The following IQGAP1 variants were observed in gnomAD, a reference collection of about 807,000 sequenced individuals.
The protein encoded by IQGAP1 is IQ motif containing GTPase activating protein 1, also known as ras GTPase-activating-like protein IQGAP1.
IQGAP1 carries 66 observed loss-of-function variants against 215.6 expected under a neutral mutation model. The ratio of observed to expected loss-of-function variants is 0.31; its 90% CI spans 0.25 to 0.38. IQGAP1 has a LOEUF of 0.38. IQGAP1 is among the 10% of genes least tolerant of loss of function. The probability of loss-of-function intolerance (pLI) is 1.00; values close to 1 mark genes in which losing one functional copy is unlikely to be tolerated. For synonymous variants in IQGAP1, 772 were observed against 728.7 expected (o/e 1.06, Z -0.96); for missense variants, 1,712 against 1,997.1 (o/e 0.86, Z 2.72).
Position 90,495,243 on chromosome 15 carries a change from C to T in IQGAP1, c.4751+408C>T, listed in dbSNP as rs1351058265. Among the ~76,000 whole-genome samples the T allele has an allele frequency of 6.6e-5, 10 of 152,130 alleles. 1 individual carries two copies. The highest frequency in any genetic ancestry group is 2.0e-4 in the Admixed American group (3 of 15,276). On this transcript the variant is annotated intron_variant, in intron 36 of 37. Coordinates refer to ENST00000268182, the MANE Select transcript of IQGAP1 (RefSeq NM_003870.4). ...CTGGGAAGTATCAGCTTGCTTTGCA[C>T]GTGGTTCATGGACCTGACATGTCAT...
Position 90,463,255 on chromosome 15 carries a change from G to A in IQGAP1, c.1777-2746G>A, listed in dbSNP as rs536979377. On this transcript the variant is annotated intron_variant, in intron 15 of 37. Coordinates refer to ENST00000268182, the MANE Select transcript of IQGAP1 (RefSeq NM_003870.4). The stretch of plus-strand genomic sequence containing the variant: ...TAATCTGCATGGGGCAGGGAAGAAA[G>A]AATTCTGAATGCTTAGAAAGGTTCT... Among the ~76,000 whole-genome samples, 4 of 152,308 alleles carry A rather than the reference G, an allele frequency of 2.6e-5. No homozygotes were observed. In the East Asian group the frequency reaches 7.7e-4, roughly 29 times the overall value.
At chr15:90,497,622 C>T (rs1047427308) in intron 37 of IQGAP1, among the ~76,000 whole-genome samples, 13 of 152,198 alleles carry the variant, frequency 8.5e-5, no homozygotes, top group Admixed American at 7.2e-4. Context: ...GAACAAAATG[C>T]AGAAGTACAC....
At chr15:90,432,843 T>C (rs1965320948) in intron 4 of IQGAP1, among the ~76,000 whole-genome samples, 1 of 152,182 alleles carries the variant, frequency 6.6e-6, no homozygotes, top group Admixed American at 6.5e-5. Context: ...CACCCCTTAT[T>C]TCCCTAAATT....
intron 2 of IQGAP1, among the ~76,000 whole-genome samples, chr15:90,408,329 T>C (rs1482857173): frequency 6.6e-6 from 1 of 152,182 alleles, no homozygotes; most frequent in Non-Finnish European, 1.5e-5. Flanking sequence ...TTTTTGTTTT[T>C]CTTTTATTAT....
At chr15:90,490,100 G>A (rs185750060) in intron 33 of IQGAP1, among the ~76,000 whole-genome samples, 1 of 152,284 alleles carries the variant, frequency 6.6e-6, no homozygotes, top group Non-Finnish European at 1.5e-5. Flanking sequence ...GCTCCAGTTA[G>A]GGGGAATTAC....
chr15:90,430,590 A>T (rs1192232671), intron 4 of IQGAP1, among the ~76,000 whole-genome samples: 1 of 152,150 alleles, frequency 6.6e-6, no homozygotes, highest in African/African-American at 2.4e-5. Context: ...GTTGAAGGTT[A>T]TAGGAGTTTG....
rs149625072 is a variant in IQGAP1 at position 90,407,842 on chromosome 15, G to T, written c.155+16969G>T. ...ACACTCTGGGAGAACTGAAGAAGAT[G>T]CGAAAGTATAAAACAGTCCTGCCCT... On this transcript the variant is annotated intron_variant, in intron 2 of 37. Coordinates refer to ENST00000268182, the MANE Select transcript of IQGAP1 (RefSeq NM_003870.4). 2.3e-4 allele frequency among the ~76,000 whole-genome samples: 35 copies of T among 152,316 alleles called. No homozygotes were observed. In the East Asian group the frequency reaches 6.4e-3, roughly 28 times the overall value.
intron 15 of IQGAP1, among the ~76,000 whole-genome samples, chr15:90,459,330 G>A (rs981519462): frequency 1.3e-5 from 2 of 152,116 alleles, no homozygotes; most frequent in Admixed American, 1.3e-4. Context: ...ACTAGGTAGC[G>A]GGTAAGACAA....
In IQGAP1 at chr15:90,404,386, G is replaced by T. The variant is rs1311829680; in HGVS notation, c.155+13513G>T. On this transcript the variant is annotated intron_variant, in intron 2 of 37. Coordinates refer to ENST00000268182, the MANE Select transcript of IQGAP1 (RefSeq NM_003870.4). ...ATGGTATTTCATTGTAGCTATTTTG[G>T]ATTATCTAATTATGAGTGAAGATGA... 2.0e-5 allele frequency among the ~76,000 whole-genome samples: 3 copies of T among 152,048 alleles called. No homozygotes were observed. In the East Asian group the frequency reaches 5.8e-4, roughly 29 times the overall value.
intron 25 of IQGAP1, 49 bp downstream of exon 25, chr15:90,477,279 G>GAA: frequency 6.7e-7 from 1 of 1,499,084 alleles, no homozygotes; most frequent in East Asian, 2.3e-5. Flanking sequence ...CTATCAGAGG[G>GAA]GCTCCCAGTT....
chr15:90,474,467 A>T lies in IQGAP1; in HGVS notation c.2576-18A>T. 1 of 1,591,126 alleles carries T rather than the reference A, an allele frequency of 6.3e-7. No homozygotes were observed. Among genetic ancestry groups the T allele is most frequent in the Middle Eastern group, 1.7e-4 (1 of 5,996 alleles). ...CTTTTTCTGCTAACTCCATTCTTTG[A>T]TGCATACTTTCTGTCAGTCAATGCT... is the stretch of plus-strand genomic sequence containing the variant. On this transcript the variant is annotated intron_variant, in intron 22 of 37. Transcript: ENST00000268182.
intron 2 of IQGAP1, among the ~76,000 whole-genome samples, chr15:90,418,166 C>G (rs1965080070): frequency 6.6e-6 from 1 of 151,850 alleles, no homozygotes; most frequent in Non-Finnish European, 1.5e-5. Flanking sequence ...ACACAGTAGT[C>G]AGTTCGAAAT....
chr15:90,495,611 C>CAT (rs933201679), intron 36 of IQGAP1, among the ~76,000 whole-genome samples: 10 of 149,388 alleles, frequency 6.7e-5, no homozygotes, highest in Admixed American at 2.0e-4. Context: ...TATATAAATA[C>CAT]ATATATATAT....
chr15:90,490,740 C>T (rs562560283), intron 33 of IQGAP1, among the ~76,000 whole-genome samples: 79 of 152,060 alleles, frequency 5.2e-4, no homozygotes, highest in African/African-American at 1.8e-3. Context: ...AGTCCAGTCT[C>T]GGTGATTGTA....
chr15:90,443,488 T>C lies in IQGAP1; in HGVS notation c.913+10T>C. Reference sequence around the variant, plus strand: ...ATAAACAAAGTCAATAGTAAGTATGTTCCTGAATCAGGCACCTAAAGGGAT... The same window carrying C: ...ATAAACAAAGTCAATAGTAAGTATGCTCCTGAATCAGGCACCTAAAGGGAT... On this transcript the variant is annotated intron_variant, in intron 9 of 37. Transcript: ENST00000268182. The C allele has an allele frequency of 3.3e-6, 5 of 1,530,642 alleles. No homozygotes were observed. Among genetic ancestry groups the C allele is most frequent in the Non-Finnish European group, 3.6e-6 (4 of 1,104,676 alleles). 94.8% of individuals were successfully genotyped at this position (1,530,642 alleles called of 1,614,324 possible).
In IQGAP1 at chr15:90,497,332, C is replaced by A; in HGVS notation, c.4852C>A (p.His1618Asn). 1.3e-6 allele frequency: 2 copies of A among 1,580,562 alleles called. No homozygotes were observed. Among genetic ancestry groups the A allele is most frequent in the Non-Finnish European group, 1.7e-6 (2 of 1,149,830 alleles). The change falls in exon 37 of 38, where the codon CAT becomes AAT. Residue 1618 changes from histidine to asparagine, a missense_variant. His to Asn is a moderately conservative substitution (Grantham distance 68, BLOSUM62 1). This residue lies in a region of IQGAP1 where 691 missense variants were observed against 923.0 expected (regional missense o/e 0.75). Coordinates refer to ENST00000268182, the MANE Select transcript of IQGAP1 (RefSeq NM_003870.4). Reference protein sequence around the residue: ...MGVQMETFMLHYQDLLQLQYE... With the variant: ...MGVQMETFMLNYQDLLQLQYE... ...AGTTCAAATGGAGACTTTTATGTTACATTATCAGGTGGGTATGCACCAGCA... is the reference window on the plus strand; with the variant it reads ...AGTTCAAATGGAGACTTTTATGTTAAATTATCAGGTGGGTATGCACCAGCA...
intron 15 of IQGAP1, among the ~76,000 whole-genome samples, chr15:90,460,858 A>G (rs1296684971): frequency 1.3e-5 from 2 of 151,864 alleles, no homozygotes; most frequent in African/African-American, 4.8e-5. Context: ...TATTAGCTGG[A>G]CACGGTGGTG....
chr15:90,476,403 T>G (rs1388043716), intron 23 of IQGAP1, among the ~76,000 whole-genome samples: 1 of 152,240 alleles, frequency 6.6e-6, no homozygotes, highest in African/African-American at 2.4e-5. Context: ...TTAAGACTTA[T>G]TTTTATAATA....
rs542561659 is a variant in IQGAP1 at position 90,408,952 on chromosome 15, G to T, written c.156-17158G>T. On this transcript the variant is annotated intron_variant, in intron 2 of 37. Transcript: ENST00000268182. ...GACTGCAGATGCATGCCACCATGCT[G>T]GCTTAACATGCCATCTTGACCTCTT... 7.9e-5 allele frequency among the ~76,000 whole-genome samples: 12 copies of T among 152,084 alleles called. No homozygotes were observed. In the East Asian group the frequency reaches 1.4e-3, roughly 17 times the overall value.
Sources: allele counts gnomAD v4.1 joint callset (sites outside exome capture counted in the v4.1 genomes callset), GRCh38; gene constraint gnomAD v4.1.1; regional missense constraint gnomAD v4.1.1; transcripts MANE v1.5; gene names NCBI Gene and HGNC (gene_info 2026-07-23, HGNC 2026-07-21).